HPSE2: variants seen among roughly 807,000 people sequenced by gnomAD.
The protein encoded by HPSE2 is inactive heparanase-2.
A neutral mutation model predicts 60.5 loss-of-function variants in HPSE2; 38 were observed. That is an observed-to-expected ratio of 0.63 (90% CI 0.48 to 0.82). The LOEUF (loss-of-function observed/expected upper bound fraction) is 0.82, where lower values mean the gene tolerates loss of function less well. HPSE2 is among the 40% of genes least tolerant of loss of function. HPSE2 has a pLI of 0.00. For missense variants in HPSE2, 713 were observed against 740.4 expected, an observed-to-expected ratio of 0.96 and a Z score of 0.43; for synonymous variants, 295 against 293.2, an observed-to-expected ratio of 1.01 and a Z score of -0.06.
chr10:99,244,939 C>T, the HPSE2 span, among the ~76,000 whole-genome samples: 2 of 151,916 alleles, frequency 1.3e-5, no homozygotes, highest in Non-Finnish European at 2.9e-5. Context: ...TTCCTTAATT[C>T]AATACTAGTT....
intron 3 of HPSE2, among the ~76,000 whole-genome samples, chr10:98,789,676 T>G (rs1316145556): frequency 6.6e-6 from 1 of 152,164 alleles, no homozygotes; most frequent in Non-Finnish European, 1.5e-5. Context: ...CTAAAGGAGA[T>G]GACAGCCGGA....
At chr10:99,030,644 A>G (rs1425047711) in intron 3 of HPSE2, among the ~76,000 whole-genome samples, 3 of 152,204 alleles carry the variant, frequency 2.0e-5, no homozygotes, top group Non-Finnish European at 4.4e-5. Context: ...TGCTGGCTAT[A>G]TACCCCAAAG....
intron 3 of HPSE2, among the ~76,000 whole-genome samples, chr10:98,884,255 A>G (rs1446155864): frequency 1.3e-5 from 2 of 152,164 alleles, no homozygotes; most frequent in East Asian, 3.9e-4. Flanking sequence ...TCCAGAACAT[A>G]AAAGTACCAG....
chr10:98,704,711 G>A (rs940711104), intron 5 of HPSE2, among the ~76,000 whole-genome samples: 20 of 151,930 alleles, frequency 1.3e-4, no homozygotes, highest in African/African-American at 3.6e-4. Context: ...AGCCATATGC[G>A]GAAAACTGAA....
intron 9 of HPSE2, among the ~76,000 whole-genome samples, chr10:98,597,490 C>A (rs1945272174): frequency 2.7e-5 from 4 of 146,058 alleles, no homozygotes; most frequent in Admixed American, 2.1e-4. Flanking sequence ...CATGGTGAAA[C>A]CCTGTTTCTA....
Position 99,226,146 on chromosome 10 carries a change from T to C in HPSE2, c.448+6202A>G, listed in dbSNP as rs547948330. On this transcript the variant is annotated intron_variant, in intron 2 of 11. Transcript: ENST00000370552. ...GTGGTCTCCTTCCTGCCCAAATATA[T>C]ACGAGGATTTGCCTCATGCTCTCTC... is the stretch of plus-strand genomic sequence containing the variant. Among the ~76,000 whole-genome samples the C allele has an allele frequency of 3.9e-5, 6 of 152,044 alleles. No individual in the cohort carries two copies. In the South Asian group the frequency reaches 1.2e-3, roughly 32 times the overall value.
At chr10:98,660,648 A>G (rs2134084952) in intron 6 of HPSE2, among the ~76,000 whole-genome samples, 1 of 152,344 alleles carries the variant, frequency 6.6e-6, no homozygotes, top group East Asian at 1.9e-4. Context: ...TGGCTTTCCC[A>G]TAATGGCCCT....
intron 5 of HPSE2, among the ~76,000 whole-genome samples, chr10:98,704,736 T>G (rs1948502133): frequency 6.6e-6 from 1 of 152,178 alleles, no homozygotes; most frequent in Admixed American, 6.5e-5. Flanking sequence ...GACCTCTTCC[T>G]TACACCTTAT....
At chr10:98,721,495 G>A (rs1948921323) in intron 5 of HPSE2, among the ~76,000 whole-genome samples, 162 bp downstream of exon 5, 1 of 151,998 alleles carries the variant, frequency 6.6e-6, no homozygotes, top group South Asian at 2.1e-4. Context: ...GAAAGATGGA[G>A]AATCTCTGTC....
chr10:98,733,513 A>C (rs754177643), intron 4 of HPSE2, among the ~76,000 whole-genome samples: 1 of 152,184 alleles, frequency 6.6e-6, no homozygotes, highest in Non-Finnish European at 1.5e-5. Flanking sequence ...GCAGTAGAAA[A>C]CGTACTTCAC....
chr10:99,178,568 A>G (rs1847628564), intron 2 of HPSE2, among the ~76,000 whole-genome samples: 1 of 152,172 alleles, frequency 6.6e-6, no homozygotes, highest in Admixed American at 6.5e-5. Context: ...ACATTAAACC[A>G]GGAAGAAGTC....
intron 7 of HPSE2, among the ~76,000 whole-genome samples, chr10:98,621,843 A>C (rs541700102): frequency 8.5e-5 from 13 of 152,348 alleles, no homozygotes; most frequent in Non-Finnish European, 1.3e-4. Context: ...TACGTAGTAC[A>C]CTGACACCTA....
At chr10:98,725,057 T>C (rs896953718) in intron 4 of HPSE2, among the ~76,000 whole-genome samples, 2 of 152,140 alleles carry the variant, frequency 1.3e-5, no homozygotes, top group Non-Finnish European at 2.9e-5. Context: ...AAAATGGCCA[T>C]ATTGCCCAAG....
chr10:99,308,395 A>AAAAAAAAAAAAAAAAAAAAAAAAAAAAAC, the HPSE2 span, among the ~76,000 whole-genome samples: 1 of 149,074 alleles, frequency 6.7e-6, no homozygotes, highest in African/African-American at 2.5e-5. Flanking sequence ...AAAAAAAAAA[A>AAAAAAAAAAAAAAAAAAAAAAAAAAAAAC]AGGAAACCAT....
Position 98,459,030 on chromosome 10 carries a change from C to CCACTGGT in HPSE2, c.*543_*544insACCAGTG. 5.5e-6 allele frequency: 1 copy of CCACTGGT among 181,664 alleles called. No homozygotes were observed. The highest frequency in any genetic ancestry group is 1.2e-5 in the Non-Finnish European group (1 of 84,870). The allele number at this position is 181,664 out of a possible 1,614,324, so 11.3% of individuals were successfully genotyped here. On this transcript the variant is annotated 3_prime_UTR_variant, in exon 12 of 12. Coordinates refer to ENST00000370552, the MANE Select transcript of HPSE2 (RefSeq NM_021828.5). ...CATACAAACAGCTCTCCCAGCAGGCCAGGGCTGACACACCCATTACTCCCC... is the reference window on the plus strand; with the variant it reads ...CATACAAACAGCTCTCCCAGCAGGCCCACTGGTAGGGCTGACACACCCATTACTCCCC...
At chr10:98,724,260 T>C (rs901305652) in intron 4 of HPSE2, among the ~76,000 whole-genome samples, 22 of 152,288 alleles carry the variant, frequency 1.4e-4, no homozygotes, top group Middle Eastern at 3.4e-3. Context: ...TCAGTTTCCA[T>C]GTAGTTGAGC....
rs59116303 is a variant in HPSE2 at position 98,952,314 on chromosome 10, T to TTGTGTGTGTG, written c.610+191914_610+191923dup. ...GGATTCCCCGCTCAAAAGAATTTGT[T>TTGTGTGTGTG]TGTGTGTGTGTGTGTGTGTGTGTGT... On this transcript the variant is annotated intron_variant, in intron 3 of 11. Transcript: ENST00000370552. Among the ~76,000 whole-genome samples the TTGTGTGTGTG allele has an allele frequency of 9.2e-4, 127 of 137,508 alleles. 1 individual carries two copies. The highest frequency in any genetic ancestry group is 3.6e-3 in the Middle Eastern group (1 of 278). The allele number at this position is 137,508 out of a possible 152,430, so 90.2% of individuals were successfully genotyped here. A position where few individuals can be genotyped will look rare whatever the true frequency, so the allele number is the denominator to read the frequency against.
rs745654417 is a variant in HPSE2 at position 98,733,951 on chromosome 10, T to C, written c.784+9932A>G. The stretch of plus-strand genomic sequence containing the variant: ...ACAGTTGTGCAACCATCACAACACA[T>C]TTTAGAACATTTTAATAATCCCAGA... On this transcript the variant is annotated intron_variant, in intron 4 of 11. Transcript: ENST00000370552. Among the ~76,000 whole-genome samples, 6 of 152,212 alleles carry C rather than the reference T, an allele frequency of 3.9e-5. No homozygotes were observed. The South Asian group carries it at 1.0e-3, about 26-fold the overall frequency.
chr10:98,779,835 G>A (rs939630719), intron 3 of HPSE2, among the ~76,000 whole-genome samples: 6 of 152,102 alleles, frequency 3.9e-5, no homozygotes, highest in African/African-American at 7.2e-5. Context: ...CAGTGTTTTT[G>A]AGAGTAATTA....
Sources: gnomAD v4.1 joint callset for allele counts (sites outside exome capture counted in the v4.1 genomes callset) on GRCh38, gnomAD v4.1.1 for gene constraint, MANE v1.5 for transcripts, NCBI Gene and HGNC (gene_info 2026-07-23, HGNC 2026-07-21) for gene names.